The following ERAP1 variants were observed in gnomAD, a reference collection of about 807,000 sequenced individuals.
ERAP1 encodes the protein adipocyte-derived leucine aminopeptidase.
Under a neutral mutation model 103.7 loss-of-function variants are expected in ERAP1, and 86 were observed. The observed-to-expected ratio is 0.83, with a 90% CI of 0.70 to 0.99. The LOEUF is 0.99. Ranked by LOEUF, ERAP1 falls within the 50% of genes least tolerant of loss-of-function variation. The pLI, the probability that ERAP1 is intolerant of heterozygous loss-of-function variation, is 0.00. For missense variants in ERAP1, 1,009 were observed against 1,128.4 expected (o/e 0.89, Z 1.52); for synonymous variants, 398 against 402.4 (o/e 0.99, Z 0.13).
At chr5:96,819,384 G>A in the ERAP1 span, among the ~76,000 whole-genome samples, 9 of 152,256 alleles carry the variant, frequency 5.9e-5, no homozygotes, top group East Asian at 1.9e-4. Flanking sequence ...AATCATCAGC[G>A]GTGTAGACTG....
chr5:96,889,602 C>T, the ERAP1 span: 1 of 661,166 alleles, frequency 1.5e-6, no homozygotes, highest in Non-Finnish European at 2.7e-6. Flanking sequence ...GGGACGGAAG[C>T]CAGGTAGAGG....
the ERAP1 span, among the ~76,000 whole-genome samples, chr5:96,887,100 TACAC>T: frequency 7.0e-3 from 965 of 137,234 alleles, 9 homozygotes; most frequent in East Asian, 0.016. Context: ...TATATATATA[TACAC>T]ACACACACAC....
the ERAP1 span, among the ~76,000 whole-genome samples, chr5:96,856,365 T>TATATATAGAGAG: frequency 4.6e-3 from 93 of 20,358 alleles, 3 homozygotes; most frequent in Middle Eastern, 0.031. Context: ...TATATATATA[T>TATATATAGAGAG]AGAGAGAGAG....
At chr5:96,821,426 A>G in the ERAP1 span, among the ~76,000 whole-genome samples, 3 of 152,082 alleles carry the variant, frequency 2.0e-5, no homozygotes, top group Admixed American at 6.5e-5. Context: ...CACAAACTCA[A>G]TCTCCTTTTG....
chr5:96,911,190 A>G, the ERAP1 span, among the ~76,000 whole-genome samples: 2 of 152,224 alleles, frequency 1.3e-5, no homozygotes, highest in Non-Finnish European at 2.9e-5. Flanking sequence ...TAAAAAAATC[A>G]GGATAATAAC....
chr5:96,783,252 G>A lies in ERAP1; in HGVS notation c.2101-17C>T. 6.2e-7 allele frequency: 1 copy of A among 1,600,396 alleles called. No individual in the cohort carries two copies. The highest frequency in any genetic ancestry group is 8.5e-7 in the Non-Finnish European group (1 of 1,170,672). ...GAGGAAGGCCTGAGGGCGTTGTACA[G>A]GGAAACAGGGACCAGTATTGTCACA... On this transcript the variant is annotated splice_polypyrimidine_tract_variant and intron_variant, in intron 14 of 18. Coordinates refer to ENST00000443439, the MANE Select transcript of ERAP1 (RefSeq NM_001040458.3).
chr5:96,856,349 A>AATATATATATAT, the ERAP1 span, among the ~76,000 whole-genome samples: 82 of 8,532 alleles, frequency 9.6e-3, 4 homozygotes, highest in Non-Finnish European at 0.011. Context: ...AAAAAAAAAA[A>AATATATATATAT]ATATATATAT....
chr5:96,797,060 T>G, intron 4 of ERAP1, 115 bp downstream of exon 4: 1 of 1,246,090 alleles, frequency 8.0e-7, no homozygotes, highest in Non-Finnish European at 1.2e-6. Flanking sequence ...AACTGTTGGG[T>G]TTATGTTGGG....
At chr5:96,907,239 G>A in the ERAP1 span, among the ~76,000 whole-genome samples, 4 of 152,212 alleles carry the variant, frequency 2.6e-5, no homozygotes, top group East Asian at 7.7e-4. Context: ...TTGAAGCATA[G>A]GGTTAGTAAT....
the ERAP1 span, among the ~76,000 whole-genome samples, chr5:96,870,151 C>T: frequency 2.9e-3 from 437 of 152,250 alleles, 4 homozygotes; most frequent in Middle Eastern, 0.017. Flanking sequence ...AATCTGAGAG[C>T]TGCTGAGAGT....
intron 4 of ERAP1, among the ~76,000 whole-genome samples, chr5:96,795,616 T>TAACA: frequency 6.6e-6 from 1 of 152,206 alleles, no homozygotes; most frequent in South Asian, 2.1e-4. Context: ...ATACAATCCC[T>TAACA]GCATAAAGCT....
chr5:96,854,664 CACAA>C, the ERAP1 span, among the ~76,000 whole-genome samples: 7 of 152,106 alleles, frequency 4.6e-5, no homozygotes, highest in Admixed American at 1.3e-4. Context: ...AAGACTCTAA[CACAA>C]ACAGTTAGAA....
the ERAP1 span, among the ~76,000 whole-genome samples, chr5:96,846,154 A>G: frequency 6.6e-6 from 1 of 152,212 alleles, no homozygotes; most frequent in Admixed American, 6.5e-5. Context: ...GTATTCTCCT[A>G]GTTTAGCAGT....
the ERAP1 span, among the ~76,000 whole-genome samples, chr5:96,822,736 T>A: frequency 6.6e-6 from 1 of 152,248 alleles, no homozygotes; most frequent in Non-Finnish European, 1.5e-5. Flanking sequence ...ACATTGCTGA[T>A]AAAGACATAC....
the ERAP1 span, among the ~76,000 whole-genome samples, chr5:96,877,191 T>C: frequency 0.52 from 79,468 of 151,952 alleles, 20,956 homozygotes; most frequent in South Asian, 0.61. Flanking sequence ...GTGAGGCTGG[T>C]CTCGAATTCC....
chr5:96,912,812 T>C, the ERAP1 span: 3 of 1,579,666 alleles, frequency 1.9e-6, no homozygotes, highest in Non-Finnish European at 1.7e-6. Context: ...AGTTCAATAA[T>C]TTAACTAAAT....
upstream of ERAP1, among the ~76,000 whole-genome samples, chr5:96,811,059 T>C (rs1030352193): frequency 6.6e-6 from 1 of 152,100 alleles, no homozygotes; most frequent in African/African-American, 2.4e-5. Flanking sequence ...TTGAGACTCT[T>C]CCATAGGCTC....
the ERAP1 span, among the ~76,000 whole-genome samples, chr5:96,899,938 T>C: frequency 1.3e-5 from 2 of 152,234 alleles, no homozygotes; most frequent in Non-Finnish European, 2.9e-5. Flanking sequence ...GAAATAACTT[T>C]TGTGGACTTC....
upstream of ERAP1, chr5:96,808,183 GATCCGTGTGTGTGTGTGTGTGTGTGTGT>G (rs1395073571): frequency 3.1e-5 from 29 of 920,660 alleles, no homozygotes; most frequent in South Asian, 1.6e-4. Context: ...TCTGAACGCG[GATCCGTGTGTGTGTGTGTGTGTGTGTGT>G]GTGTGTGTGT....
Sources: gnomAD v4.1 joint callset for allele counts (sites outside exome capture counted in the v4.1 genomes callset) on GRCh38, gnomAD v4.1.1 for gene constraint, MANE v1.5 for transcripts, NCBI Gene and HGNC (gene_info 2026-07-23, HGNC 2026-07-21) for gene names.